RIC1: variants seen among roughly 807,000 people sequenced by gnomAD.
RIC1 encodes guanine nucleotide exchange factor subunit RIC1.
A neutral mutation model predicts 169.0 loss-of-function variants in RIC1; 88 were observed. That is an observed-to-expected ratio of 0.52 (90% CI 0.44 to 0.62). The LOEUF is 0.62. Among genes scored for constraint, RIC1 ranks in the 20% least tolerant of loss-of-function variants. The pLI is 0.00. For synonymous variants in RIC1, 790 were observed against 601.5 expected, an observed-to-expected ratio of 1.31 and a Z score of -4.59; for missense variants, 1,877 against 1,725.5, an observed-to-expected ratio of 1.09 and a Z score of -1.56.
At position 5,632,829 on chromosome 9, in the gene RIC1, A is replaced by G. The variant is rs184131914; in HGVS notation, c.144+3376A>G. 3.2e-3 allele frequency among the ~76,000 whole-genome samples: 484 copies of G among 152,332 alleles called. 1 individual carries two copies. Among genetic ancestry groups the G allele is most frequent in the Middle Eastern group, 6.8e-3 (2 of 294 alleles). ...TTCCTTTAATATACTAACTGTGACT[A>G]TGAAAGTCTATATATGTGAACATCA... is the stretch of plus-strand genomic sequence containing the variant. On this transcript the variant is annotated intron_variant, in intron 1 of 25. Coordinates refer to ENST00000414202, the MANE Select transcript of RIC1 (RefSeq NM_020829.4).
chr9:5,681,695 C>G lies in RIC1; in HGVS notation c.253-8264C>G, dbSNP rs141791696. ...AGTGCTGAGTTCAATTCCTGGATATCCTTGTTAACTTTCTGTCTCTTTGAT... is the reference window on the plus strand; with the variant it reads ...AGTGCTGAGTTCAATTCCTGGATATGCTTGTTAACTTTCTGTCTCTTTGAT... On this transcript the variant is annotated intron_variant, in intron 2 of 25. Transcript: ENST00000414202. 5.7e-3 allele frequency among the ~76,000 whole-genome samples: 865 copies of G among 152,220 alleles called. 9 individuals are homozygous for G. The highest frequency in any genetic ancestry group is 0.02 in the African/African-American group (820 of 41,518).
In RIC1 at chr9:5,747,412, G is replaced by A. The variant is rs749369428; in HGVS notation, c.1359G>A (p.Lys453=). 2.5e-6 allele frequency: 4 copies of A among 1,613,928 alleles called. No homozygotes were observed. Among genetic ancestry groups the A allele is most frequent in the Non-Finnish European group, 3.4e-6 (4 of 1,179,942 alleles). Reference sequence around the variant, plus strand: ...GTTCTTCAACACACTCTGAGCATAAGCCCAGTCGAGAAAAGAGCCCATTTG... The same window carrying A: ...GTTCTTCAACACACTCTGAGCATAAACCCAGTCGAGAAAAGAGCCCATTTG... ...PRSSSTHSEH[K]PSREKSPFAD... is the part of the protein sequence containing the mutation. Residue 453 remains lysine (K), a synonymous_variant, in exon 12 of 26, where the codon AAG becomes AAA. Coordinates refer to ENST00000414202, the MANE Select transcript of RIC1 (RefSeq NM_020829.4).
intron 3 of RIC1, among the ~76,000 whole-genome samples, chr9:5,693,696 TTCATATGC>T (rs1236793066): frequency 7.2e-5 from 11 of 152,164 alleles, no homozygotes; most frequent in African/African-American, 2.2e-4. Context: ...TTAAAATGTG[TTCATATGC>T]TTATGTTTAA....
At position 5,743,701 on chromosome 9, in the gene RIC1, T is replaced by C; in HGVS notation, c.1059T>C (p.Asp353=). 6.2e-7 allele frequency: 1 copy of C among 1,609,642 alleles called. No individual in the cohort carries two copies. Residue 353 remains aspartate, a synonymous_variant, in exon 10 of 26, where the codon GAT becomes GAC. Coordinates refer to ENST00000414202, the MANE Select transcript of RIC1 (RefSeq NM_020829.4). Reference sequence around the variant, plus strand: ...TGTTCTGTTTCAGTTATAGGTCTGATGGCACCAAAAAAGATCCCCTTAAGA... The same window carrying C: ...TGTTCTGTTTCAGTTATAGGTCTGACGGCACCAAAAAAGATCCCCTTAAGA... ...TLGGDFAYRS[D]GTKKDPLKIN...
At chr9:5,697,411 G>A (rs1821968524) in intron 3 of RIC1, among the ~76,000 whole-genome samples, 1 of 152,078 alleles carries the variant, frequency 6.6e-6, no homozygotes. Context: ...ATTTTGTCCA[G>A]TTCTCTTGTT....
intron 6 of RIC1, among the ~76,000 whole-genome samples, chr9:5,721,547 A>T (rs1823589829): frequency 1.3e-5 from 2 of 152,166 alleles, no homozygotes; most frequent in South Asian, 4.1e-4. Context: ...CATTATTCAG[A>T]AAGAATCACT....
At chr9:5,701,145 T>C (rs1356362345) in intron 3 of RIC1, among the ~76,000 whole-genome samples, 1 of 152,242 alleles carries the variant, frequency 6.6e-6, no homozygotes, top group Non-Finnish European at 1.5e-5. Flanking sequence ...GTGGTAAAAC[T>C]GTGGTATAGC....
intron 2 of RIC1, among the ~76,000 whole-genome samples, chr9:5,675,671 C>G (rs1027266208): frequency 6.6e-6 from 1 of 151,798 alleles, no homozygotes; most frequent in Non-Finnish European, 1.5e-5. Flanking sequence ...CAGACTGTTC[C>G]CTCTGTACTG....
intron 4 of RIC1, among the ~76,000 whole-genome samples, chr9:5,718,309 T>A (rs1198440610): frequency 6.6e-6 from 1 of 152,152 alleles, no homozygotes; most frequent in Non-Finnish European, 1.5e-5. Flanking sequence ...CATTTCCAAT[T>A]TAAAAAGAGT....
At chr9:5,771,434 G>T (rs912350066) in intron 23 of RIC1, among the ~76,000 whole-genome samples, 3 of 152,100 alleles carry the variant, frequency 2.0e-5, no homozygotes, top group African/African-American at 7.2e-5. Flanking sequence ...TCTGATGATG[G>T]ACACTTGGGT....
At chr9:5,732,502 C>A in intron 7 of RIC1, 23 bp downstream of exon 7, 2 of 1,508,230 alleles carry the variant, frequency 1.3e-6, no homozygotes, top group Non-Finnish European at 9.0e-7. Flanking sequence ...TAGGCTTTTG[C>A]ATTTTTAAGA....
intron 2 of RIC1, among the ~76,000 whole-genome samples, chr9:5,669,793 A>G (rs1819983663): frequency 6.6e-6 from 1 of 152,146 alleles, no homozygotes; most frequent in South Asian, 2.1e-4. Context: ...GAGTCAATGG[A>G]TAGAAAATTA....
chr9:5,668,595 T>G (rs945218905), intron 2 of RIC1, among the ~76,000 whole-genome samples: 3 of 152,206 alleles, frequency 2.0e-5, no homozygotes, highest in Admixed American at 6.5e-5. Flanking sequence ...TTTTGCTCCT[T>G]AGATTGCATA....
chr9:5,686,932 C>A (rs1821284448), intron 2 of RIC1, among the ~76,000 whole-genome samples: 1 of 152,056 alleles, frequency 6.6e-6, no homozygotes, highest in South Asian at 2.1e-4. Context: ...TTATTTATTT[C>A]TTAAAGAGTT....
At chr9:5,629,625 C>T (rs1396486110) in intron 1 of RIC1, among the ~76,000 whole-genome samples, 172 bp downstream of exon 1, 2 of 152,180 alleles carry the variant, frequency 1.3e-5, no homozygotes, top group East Asian at 3.9e-4. Flanking sequence ...CCGCCGGCTG[C>T]AGGCACGTCC....
At chr9:5,693,002 A>C (rs1272054801) in intron 3 of RIC1, among the ~76,000 whole-genome samples, 9 of 152,128 alleles carry the variant, frequency 5.9e-5, no homozygotes, top group Admixed American at 5.9e-4. Flanking sequence ...TAAGTGTTGT[A>C]GCTCTAAAGT....
intron 25 of RIC1, 96 bp downstream of exon 25, chr9:5,773,176 T>TTTTA (rs1203852325): frequency 2.1e-6 from 1 of 477,428 alleles, no homozygotes. Context: ...ATGTGTTACA[T>TTTTA]TTTATTTATT....
chr9:5,762,130 G>A (rs765536496), intron 17 of RIC1, among the ~76,000 whole-genome samples: 8 of 152,002 alleles, frequency 5.3e-5, no homozygotes, highest in East Asian at 3.9e-4. Flanking sequence ...CCATGTCTTC[G>A]TTTTCCATTA....
intron 1 of RIC1, 101 bp downstream of exon 1, chr9:5,629,554 G>A (rs760410081): frequency 2.4e-6 from 3 of 1,261,368 alleles, no homozygotes; most frequent in African/African-American, 3.1e-5. Flanking sequence ...CTGCCCCTTC[G>A]TGCCAGACCC....
Sources: allele counts gnomAD v4.1 joint callset (sites outside exome capture counted in the v4.1 genomes callset), GRCh38; gene constraint gnomAD v4.1.1; transcripts MANE v1.5; gene names NCBI Gene and HGNC (gene_info 2026-07-23, HGNC 2026-07-21).